Variants in ZFPM2 observed in about 807,000 individuals in gnomAD.
ZFPM2 encodes the protein zinc finger protein, FOG family member 2.
ZFPM2 carries 20 observed loss-of-function variants against 98.6 expected under a neutral mutation model. The observed-to-expected ratio is 0.20, with a 90% confidence interval of 0.14 to 0.29. ZFPM2 has a LOEUF of 0.29. ZFPM2 is among the 10% of genes least tolerant of loss of function. The pLI is 1.00. For synonymous variants in ZFPM2, 518 were observed against 502.7 expected (o/e 1.03, Z -0.41); for missense variants, 1,310 against 1,388.6 (o/e 0.94, Z 0.90).
rs1160128174 is a variant in ZFPM2 at position 105,670,495 on chromosome 8, C to CAAA, written c.532+36160_532+36162dup. Among the ~76,000 whole-genome samples, 225 of 48,916 alleles carry CAAA rather than the reference C, an allele frequency of 4.6e-3. 11 individuals are homozygous for CAAA. Among genetic ancestry groups the CAAA allele is most frequent in the Middle Eastern group, 0.017 (1 of 60 alleles). The allele number at this position is 48,916 out of a possible 152,430, so 32.1% of individuals were successfully genotyped here. ...TGGGCGACAGAGCGAGAGTCCATCTCAAAAAAAAAAAAAAAAAAAAAAAAG... is the reference window on the plus strand; with the variant it reads ...TGGGCGACAGAGCGAGAGTCCATCTCAAAAAAAAAAAAAAAAAAAAAAAAAAAG... On this transcript the variant is annotated intron_variant, in intron 5 of 7. Coordinates refer to ENST00000407775, the MANE Select transcript of ZFPM2 (RefSeq NM_012082.4).
rs562450629 is a variant in ZFPM2, at chr8:105,318,766, G to A, written c.-176G>A. On this transcript the variant is annotated 5_prime_UTR_variant, in exon 1 of 8. Coordinates refer to ENST00000407775, the MANE Select transcript of ZFPM2 (RefSeq NM_012082.4). ...TTCTCTCATTTGCTTGCTCATCTCC[G>A]AACGTGAATCCGCGGCTCCCGGAGG... 2.7e-4 allele frequency: 44 copies of A among 163,324 alleles called. 1 individual carries two copies. In the East Asian group the frequency reaches 9.0e-3, roughly 33 times the overall value. The allele number at this position is 163,324 out of a possible 1,614,324, so 10.1% of individuals were successfully genotyped here.
chr8:105,597,783 T>C (rs1030298473), intron 4 of ZFPM2, among the ~76,000 whole-genome samples: 1 of 152,152 alleles, frequency 6.6e-6, no homozygotes, highest in Admixed American at 6.6e-5. Context: ...TCCTATTTAA[T>C]TTTTCCCATG....
At chr8:105,632,100 C>T (rs923187229) in intron 4 of ZFPM2, among the ~76,000 whole-genome samples, 4 of 152,100 alleles carry the variant, frequency 2.6e-5, no homozygotes, top group African/African-American at 9.7e-5. Context: ...ACTCCTTCCT[C>T]CGACTTGTTC....
chr8:105,793,437 G>A (rs1187661898), intron 6 of ZFPM2, among the ~76,000 whole-genome samples: 1 of 152,176 alleles, frequency 6.6e-6, no homozygotes, highest in African/African-American at 2.4e-5. Flanking sequence ...GGCTTGTAGA[G>A]TTTCTGCCGA....
intron 5 of ZFPM2, among the ~76,000 whole-genome samples, chr8:105,732,134 A>C (rs1811955810): frequency 6.6e-6 from 1 of 151,720 alleles, no homozygotes; most frequent in East Asian, 1.9e-4. Context: ...CAAAAATGGC[A>C]GCTGTCCCCC....
At chr8:105,620,153 G>A (rs944270706) in intron 4 of ZFPM2, among the ~76,000 whole-genome samples, 3 of 152,172 alleles carry the variant, frequency 2.0e-5, no homozygotes, top group African/African-American at 7.2e-5. Context: ...CACCAACAGT[G>A]TAAAAGTGTT....
intron 6 of ZFPM2, among the ~76,000 whole-genome samples, chr8:105,792,172 TTG>T (rs1219264295): frequency 6.6e-6 from 1 of 152,212 alleles, no homozygotes; most frequent in Non-Finnish European, 1.5e-5. Context: ...GTTCTTTTAA[TTG>T]TGATGTTAGA....
chr8:105,580,821 C>CTATATA (rs1246550089), intron 4 of ZFPM2, among the ~76,000 whole-genome samples: 257 of 119,888 alleles, frequency 2.1e-3, no homozygotes, highest in Admixed American at 4.4e-3. Flanking sequence ...CTCTCTCTCT[C>CTATATA]TCTCTCTATA....
intron 2 of ZFPM2, among the ~76,000 whole-genome samples, chr8:105,442,283 G>C (rs1166820122): frequency 6.6e-6 from 1 of 152,080 alleles, no homozygotes; most frequent in Non-Finnish European, 1.5e-5. Context: ...GGTGGAGCTT[G>C]CAGTGAGCCG....
intron 5 of ZFPM2, among the ~76,000 whole-genome samples, chr8:105,785,871 T>G (rs7839031): frequency 0.092 from 13,998 of 151,822 alleles, 2,151 homozygotes; most frequent in African/African-American, 0.31. Flanking sequence ...TGAAACCCCA[T>G]CTCTACTAAA....
intron 3 of ZFPM2, among the ~76,000 whole-genome samples, chr8:105,461,545 A>T (rs1220501245): frequency 6.6e-6 from 1 of 152,146 alleles, no homozygotes; most frequent in Non-Finnish European, 1.5e-5. Flanking sequence ...GTCCTAAAGC[A>T]TTTATTTTTC....
chr8:105,725,891 C>G (rs1319380460), intron 5 of ZFPM2, among the ~76,000 whole-genome samples: 1 of 151,576 alleles, frequency 6.6e-6, no homozygotes, highest in Non-Finnish European at 1.5e-5. Flanking sequence ...GCCATTGGGT[C>G]TATGATTCAA....
Position 105,788,814 on chromosome 8 carries a change from G to A in ZFPM2, c.629G>A (p.Ser210Asn). The A allele has an allele frequency of 6.2e-7, 1 of 1,613,990 alleles. No homozygotes were observed. The highest frequency in any genetic ancestry group is 8.5e-7 in the Non-Finnish European group (1 of 1,179,868). Residue 210 changes from serine (S) to asparagine (N), a missense_variant, in exon 6 of 8, where the codon AGT becomes AAT. By Grantham distance (46) the Ser-to-Asn change is conservative (BLOSUM62 1). Coordinates refer to ENST00000407775, the MANE Select transcript of ZFPM2 (RefSeq NM_012082.4). ...TTTGACTCAAGGCTACAAGCTGCCA[G>A]TCAGATGACTCTCACAGAAGGGATG... is the stretch of plus-strand genomic sequence containing the variant. ...VDFDSRLQAA[S>N]QMTLTEGMYP...
chr8:105,699,873 T>C (rs1452519989), intron 5 of ZFPM2, among the ~76,000 whole-genome samples: 1 of 152,188 alleles, frequency 6.6e-6, no homozygotes, highest in African/African-American at 2.4e-5. Flanking sequence ...CTAATTTCAT[T>C]ATTGTTTATG....
At chr8:105,654,691 T>C (rs1197508619) in intron 5 of ZFPM2, among the ~76,000 whole-genome samples, 1 of 152,094 alleles carries the variant, frequency 6.6e-6, no homozygotes, top group Non-Finnish European at 1.5e-5. Flanking sequence ...CAAACCTTGG[T>C]CATTCTATTC....
At chr8:105,587,405 C>G (rs62527236) in intron 4 of ZFPM2, among the ~76,000 whole-genome samples, 26,937 of 151,658 alleles carry the variant, frequency 0.18, 2,543 homozygotes, top group Middle Eastern at 0.25. Flanking sequence ...GTATAAGCAA[C>G]GAACTACCCT....
intron 4 of ZFPM2, among the ~76,000 whole-genome samples, chr8:105,584,847 G>C (rs867924900): frequency 2.0e-5 from 3 of 152,068 alleles, no homozygotes; most frequent in African/African-American, 7.2e-5. Flanking sequence ...TTAGATAATA[G>C]AACTGTTATT....
At chr8:105,565,986 G>A (rs1586467092) in intron 4 of ZFPM2, among the ~76,000 whole-genome samples, 2 of 152,146 alleles carry the variant, frequency 1.3e-5, no homozygotes, top group Non-Finnish European at 2.9e-5. Flanking sequence ...TGAGATACCC[G>A]GGAGAGCCAG....
intron 1 of ZFPM2, among the ~76,000 whole-genome samples, chr8:105,411,358 G>T (rs1811573965): frequency 6.6e-6 from 1 of 151,676 alleles, no homozygotes; most frequent in African/African-American, 2.4e-5. Flanking sequence ...AATAAAGTTT[G>T]TCTCCTTAAC....
Sources: gnomAD v4.1 joint callset for allele counts (sites outside exome capture counted in the v4.1 genomes callset) on GRCh38, gnomAD v4.1.1 for gene constraint, MANE v1.5 for transcripts, NCBI Gene and HGNC (gene_info 2026-07-23, HGNC 2026-07-21) for gene names.